ANKRD13D: variants seen among roughly 807,000 people sequenced by gnomAD.
ANKRD13D encodes the protein ankyrin repeat domain 13D.
Under a neutral mutation model 68.8 loss-of-function variants are expected in ANKRD13D, and 24 were observed. That is an observed-to-expected ratio of 0.35 (90% CI 0.25 to 0.49). The LOEUF is 0.49. ANKRD13D is among the 20% of genes least tolerant of loss of function. ANKRD13D has a pLI of 0.99. For synonymous variants in ANKRD13D, 331 were observed against 336.1 expected (o/e 0.98, Z 0.16); for missense variants, 735 against 832.1 (o/e 0.88, Z 1.44).
chr11:67,294,135 G>A (rs1380175789), intron 6 of ANKRD13D, among the ~76,000 whole-genome samples: 1 of 152,148 alleles, frequency 6.6e-6, no homozygotes, highest in Non-Finnish European at 1.5e-5. Context: ...AATCACTGTT[G>A]CTTTGCAATA....
intron 6 of ANKRD13D, among the ~76,000 whole-genome samples, chr11:67,295,425 A>T (rs926114568): frequency 2.0e-5 from 3 of 149,976 alleles, no homozygotes; most frequent in Non-Finnish European, 4.4e-5. Flanking sequence ...TCAAAAAAAA[A>T]GGGGGGTGGT....
intron 6 of ANKRD13D, among the ~76,000 whole-genome samples, chr11:67,297,275 T>C (rs897539655): frequency 2.6e-5 from 4 of 151,934 alleles, no homozygotes; most frequent in Non-Finnish European, 5.9e-5. Flanking sequence ...AGTGGTGTGA[T>C]AGCTCACTGC....
At position 67,301,834 on chromosome 11, in the gene ANKRD13D, C is replaced by T. The variant is rs1226944852; in HGVS notation, c.1604+11C>T. ...GCTTCAGCTGGAGCGGTGAGCCCCT[C>T]ATGGGGCTGGCTGGGTCCCTGTCCC... On this transcript the variant is annotated intron_variant, in intron 14 of 14. Coordinates refer to ENST00000511455, the MANE Select transcript of ANKRD13D (RefSeq NM_207354.3). This position sits in a 1 kb window ranked among gnomAD's most constrained non-coding sequence, Gnocchi z 4.5. 1.3e-6 allele frequency: 2 copies of T among 1,580,494 alleles called. No homozygotes were observed. The highest frequency in any genetic ancestry group is 1.7e-6 in the Non-Finnish European group (2 of 1,163,352).
chr11:67,292,460 G>A (rs1335676614), intron 6 of ANKRD13D, among the ~76,000 whole-genome samples: 1 of 152,084 alleles, frequency 6.6e-6, no homozygotes, highest in Non-Finnish European at 1.5e-5. Context: ...AAAGATTTAG[G>A]CTGTGGTTCA....
chr11:67,289,920 C>T, intron 1 of ANKRD13D, 158 bp from the exon 2 acceptor site: 1 of 1,444,084 alleles, frequency 6.9e-7, no homozygotes, highest in Non-Finnish European at 9.1e-7. Flanking sequence ...CCTGCCCCCT[C>T]CTCTCCCCTG....
In ANKRD13D at chr11:67,299,925, G is replaced by C. The variant is rs775521094; in HGVS notation, c.942+37G>C. On this transcript the variant is annotated intron_variant, in intron 9 of 14. Transcript: ENST00000511455. This position sits in a 1 kb window ranked among gnomAD's most constrained non-coding sequence, Gnocchi z 6.2. ...CTGGGCCGAGACAGGGCTGGCGGGG[G>C]GCCGAGCCTGGGCGGGAGGGCACCC... 2 of 1,563,818 alleles carry C rather than the reference G, an allele frequency of 1.3e-6. No homozygotes were observed. The highest frequency in any genetic ancestry group is 2.3e-5 in the East Asian group (1 of 44,384).
At position 67,290,454 on chromosome 11, in the gene ANKRD13D, A is replaced by G. The variant is rs1181656914; in HGVS notation, c.351+8A>G. 6.4e-7 allele frequency: 1 copy of G among 1,571,418 alleles called. No homozygotes were observed. Among genetic ancestry groups the G allele is most frequent in the Non-Finnish European group, 8.6e-7 (1 of 1,158,866 alleles). On this transcript the variant is annotated splice_region_variant and intron_variant, in intron 3 of 14. Transcript: ENST00000511455. ...CTCAACAAACTTCGCCAGGTACAGC[A>G]GGGCACAGTTATGGAGGTGGGGTAC...
At position 67,291,496 on chromosome 11, in the gene ANKRD13D, G is replaced by C; in HGVS notation, c.372G>C (p.Glu124Asp). ...KLRQAPDFYV[E>D]MKWEFTSWVP... ...CTTAGGCCCCCGATTTCTACGTTGA[G>C]ATGAAGTGGGAGTTCACCAGCTGGG... is the stretch of plus-strand genomic sequence containing the variant. Residue 124 changes from glutamate to aspartate, a missense_variant, in exon 4 of 15, where the codon GAG becomes GAC. Physicochemically the swap from Glu to Asp is conservative, Grantham distance 45. Coordinates refer to ENST00000511455, the MANE Select transcript of ANKRD13D (RefSeq NM_207354.3). The C allele has an allele frequency of 6.2e-7, 1 of 1,613,974 alleles. No individual in the cohort carries two copies. The highest frequency in any genetic ancestry group is 8.5e-7 in the Non-Finnish European group (1 of 1,179,996).
chr11:67,297,671 G>A (rs957939642), intron 6 of ANKRD13D, among the ~76,000 whole-genome samples: 14 of 151,964 alleles, frequency 9.2e-5, no homozygotes, highest in Non-Finnish European at 1.8e-4. Context: ...GACTATAGGC[G>A]CCTGCCACCA....
chr11:67,289,414 C>T lies in ANKRD13D; in HGVS notation c.-47C>T. The T allele has an allele frequency of 2.2e-6, 3 of 1,371,216 alleles. No homozygotes were observed. Among genetic ancestry groups the T allele is most frequent in the East Asian group, 3.1e-5 (1 of 32,070 alleles). The allele number at this position is 1,371,216 out of a possible 1,614,324, so 84.9% of individuals were successfully genotyped here. On this transcript the variant is annotated 5_prime_UTR_variant, in exon 1 of 15. Transcript: ENST00000511455. ...CGGAGGGGAGGCTAGGGGGCCGTGC[C>T]AGGCCCGAAGCCGAGGCGGGGCCGG...
At chr11:67,294,373 A>G (rs1201893121) in intron 6 of ANKRD13D, among the ~76,000 whole-genome samples, 1 of 152,222 alleles carries the variant, frequency 6.6e-6, no homozygotes. Context: ...GAATAGTACC[A>G]TGTTAACAAT....
Position 67,301,256 on chromosome 11 carries a change from G to A in ANKRD13D, c.1232-26G>A. On this transcript the variant is annotated intron_variant, in intron 11 of 14. Transcript: ENST00000511455. The surrounding 1 kb of genome is among the most constrained non-coding windows in gnomAD (Gnocchi z 4.5). Reference sequence around the variant, plus strand: ...GAGGCACAGGTGGCTCTCCGCCAGGGCTCAGGCGTGGCTGTCTTCTCACAG... The same window carrying A: ...GAGGCACAGGTGGCTCTCCGCCAGGACTCAGGCGTGGCTGTCTTCTCACAG... 1.2e-6 allele frequency: 2 copies of A among 1,602,558 alleles called. No individual in the cohort carries two copies. Among genetic ancestry groups the A allele is most frequent in the Admixed American group, 1.7e-5 (1 of 59,228 alleles).
intron 1 of ANKRD13D, 51 bp from the exon 2 acceptor site, chr11:67,290,027 C>CT: frequency 6.6e-7 from 1 of 1,507,526 alleles, no homozygotes. Flanking sequence ...GGCAGCCTCC[C>CT]TGCCTTGCCC....
At chr11:67,296,338 A>AGTGTGTGTGTGTGTGTGT (rs35848734) in intron 6 of ANKRD13D, among the ~76,000 whole-genome samples, 1 of 147,658 alleles carries the variant, frequency 6.8e-6, no homozygotes, top group Non-Finnish European at 1.5e-5. Context: ...TTTGGGCCTG[A>AGTGTGTGTGTGTGTGTGT]GTGTGTGTGT....
rs551586785 is a variant in ANKRD13D at position 67,301,392 on chromosome 11, G to A, written c.1342G>A (p.Ala448Thr). ...GCCGGCCCCCAGCTCTGCTGTTGCC[G>A]CATCAGGTACCCCAACGGGAGGAAG... The part of the protein sequence containing the change: ...WVPAPSSAVA[A>T]SGNPFPCEVD... The change falls in exon 12 of 15, where the codon GCA becomes ACA. Residue 448 changes from alanine (A) to threonine (T), a missense_variant. Ala to Thr is a moderately conservative substitution (Grantham distance 58). Transcript: ENST00000511455. This position sits in a 1 kb window ranked among gnomAD's most constrained non-coding sequence, Gnocchi z 4.5. 50 of 1,610,250 alleles carry A rather than the reference G, an allele frequency of 3.1e-5. No individual in the cohort carries two copies. The highest frequency in any genetic ancestry group is 1.7e-4 in the Middle Eastern group (1 of 6,054).
rs1447977241 is a variant in ANKRD13D at position 67,302,399 on chromosome 11, C to A, written c.*67C>A. ...CTTTTGTAATTTATTTATTTATAAA[C>A]TCTCTGCTGCTGAGCTTGGGGCCTG... On this transcript the variant is annotated 3_prime_UTR_variant, in exon 15 of 15. Coordinates refer to ENST00000511455, the MANE Select transcript of ANKRD13D (RefSeq NM_207354.3). 2.4e-5 allele frequency: 35 copies of A among 1,441,574 alleles called. No individual in the cohort carries two copies. The highest frequency in any genetic ancestry group is 3.2e-5 in the Non-Finnish European group (35 of 1,092,920). 89.3% of individuals were successfully genotyped at this position (1,441,574 alleles called of 1,614,324 possible).
chr11:67,291,841 T>G (rs1860569437), intron 5 of ANKRD13D, 95 bp downstream of exon 5: 8 of 1,539,172 alleles, frequency 5.2e-6, no homozygotes, highest in African/African-American at 1.4e-5. Context: ...TTTCCAGATG[T>G]GGAAGCTGAG....
At chr11:67,302,031 C>T in intron 14 of ANKRD13D, 88 bp from the exon 15 acceptor site, 1 of 1,440,124 alleles carries the variant, frequency 6.9e-7, no homozygotes, top group Non-Finnish European at 9.2e-7. Context: ...TTGCCTTTGT[C>T]CTCCAAAGCC....
chr11:67,301,448 G>A lies in ANKRD13D; in HGVS notation c.1349-40G>A, dbSNP rs751066668. 13 of 1,607,448 alleles carry A rather than the reference G, an allele frequency of 8.1e-6. No homozygotes were observed. In the Admixed American group the frequency reaches 2.2e-4, roughly 27 times the overall value. On this transcript the variant is annotated intron_variant, in intron 12 of 14. Coordinates refer to ENST00000511455, the MANE Select transcript of ANKRD13D (RefSeq NM_207354.3). This position sits in a 1 kb window ranked among gnomAD's most constrained non-coding sequence, Gnocchi z 4.5. ...GCCTGCACAGCTTTCTGGTCACCAA[G>A]CCCCGCGGGTTGAGCGTGGCCCCTC...
Sources: allele counts gnomAD v4.1 joint callset (sites outside exome capture counted in the v4.1 genomes callset), GRCh38; gene constraint gnomAD v4.1.1; non-coding constraint Gnocchi (gnomAD v3.1); transcripts MANE v1.5; gene names NCBI Gene and HGNC (gene_info 2026-07-23, HGNC 2026-07-21).